Variants in BACH2 observed in about 807,000 individuals in gnomAD.
The protein encoded by BACH2 is transcription regulator protein BACH2.
BACH2 carries 5 observed loss-of-function variants against 61.8 expected under a neutral mutation model. The ratio of observed to expected loss-of-function variants is 0.08; its 90% confidence interval spans 0.04 to 0.17. The LOEUF is 0.17. Among genes scored for constraint, BACH2 ranks in the 10% least tolerant of loss-of-function variants. The probability of loss-of-function intolerance (pLI) is 1.00; values close to 1 mark genes in which losing one functional copy is unlikely to be tolerated. For synonymous variants in BACH2, 446 were observed against 440.1 expected (o/e 1.01, Z -0.17); for missense variants, 824 against 1,091.1 (o/e 0.76, Z 3.45).
At chr6:90,113,481 C>T (rs1783264079) in intron 4 of BACH2, among the ~76,000 whole-genome samples, 1 of 152,064 alleles carries the variant, frequency 6.6e-6, no homozygotes, top group African/African-American at 2.4e-5. Context: ...ACAACATGTT[C>T]CTGAATGACT....
intron 1 of BACH2, among the ~76,000 whole-genome samples, chr6:90,280,181 TC>T (rs1171936032): frequency 1.3e-5 from 2 of 152,190 alleles, no homozygotes; most frequent in Non-Finnish European, 2.9e-5. Context: ...TATTTAAATA[TC>T]CCTTTTGAGT....
At chr6:90,211,524 T>G (rs1054556308) in intron 3 of BACH2, among the ~76,000 whole-genome samples, 3 of 151,800 alleles carry the variant, frequency 2.0e-5, no homozygotes, top group African/African-American at 7.3e-5. Context: ...AGAGGTATGC[T>G]GAGAATAACA....
chr6:90,217,673 C>T (rs1421908372), intron 3 of BACH2, among the ~76,000 whole-genome samples: 1 of 152,084 alleles, frequency 6.6e-6, no homozygotes, highest in East Asian at 1.9e-4. Flanking sequence ...GAAAAAGTCC[C>T]TATCCAAACA....
chr6:90,215,213 G>A (rs1769492480), intron 3 of BACH2, among the ~76,000 whole-genome samples: 1 of 152,130 alleles, frequency 6.6e-6, no homozygotes, highest in Non-Finnish European at 1.5e-5. Context: ...TGCCAAAACA[G>A]TTGAAGTTAT....
At chr6:90,258,331 A>G (rs1771050079) in intron 2 of BACH2, among the ~76,000 whole-genome samples, 1 of 151,864 alleles carries the variant, frequency 6.6e-6, no homozygotes, top group African/African-American at 2.4e-5. Context: ...TTCTTTTCCC[A>G]TTGTGTCTTC....
At chr6:89,955,446 G>A (rs1774374517) in intron 6 of BACH2, among the ~76,000 whole-genome samples, 1 of 152,188 alleles carries the variant, frequency 6.6e-6, no homozygotes, top group Admixed American at 6.5e-5. Context: ...AGGCTGAGGG[G>A]ACTAGCAAGG....
At chr6:90,066,067 C>T (rs1780948786) in intron 5 of BACH2, among the ~76,000 whole-genome samples, 1 of 152,082 alleles carries the variant, frequency 6.6e-6, no homozygotes, top group Admixed American at 6.5e-5. Flanking sequence ...GTCTATGTAC[C>T]CCAGCAGACT....
chr6:90,098,877 C>G (rs566765065), intron 4 of BACH2, among the ~76,000 whole-genome samples: 6 of 152,252 alleles, frequency 3.9e-5, no homozygotes, highest in African/African-American at 1.4e-4. Flanking sequence ...GGCCTCTCCC[C>G]AATTCAGCTG....
At chr6:90,104,530 CAAGG>C (rs2127813427) in intron 4 of BACH2, 1 of 152,364 alleles carries the variant, frequency 6.6e-6, no homozygotes, top group Non-Finnish European at 1.5e-5. Flanking sequence ...TAGACCCAGG[CAAGG>C]AAGGACTCTG....
chr6:89,982,834 C>T (rs1247383858), intron 6 of BACH2, among the ~76,000 whole-genome samples: 3 of 152,140 alleles, frequency 2.0e-5, no homozygotes, highest in Non-Finnish European at 1.5e-5. Context: ...GGTTCTGAGC[C>T]CCTCATTCCA....
intron 3 of BACH2, among the ~76,000 whole-genome samples, chr6:90,234,124 T>G (rs919282143): frequency 6.6e-6 from 1 of 152,186 alleles, no homozygotes; most frequent in African/African-American, 2.4e-5. Context: ...GCTGTGCGGA[T>G]TGGGGAGCCG....
chr6:90,291,764 T>C (rs574464767), intron 1 of BACH2, among the ~76,000 whole-genome samples: 2 of 152,308 alleles, frequency 1.3e-5, no homozygotes, highest in South Asian at 2.1e-4. Context: ...AGGTCATATA[T>C]TGCTATTAAC....
chr6:90,139,701 G>A (rs1036918341), intron 4 of BACH2, among the ~76,000 whole-genome samples: 3 of 152,182 alleles, frequency 2.0e-5, no homozygotes, highest in African/African-American at 4.8e-5. Flanking sequence ...GTGTTCGGAT[G>A]TGTCCTTATC....
chr6:90,170,466 C>A (rs1767775341), intron 4 of BACH2, among the ~76,000 whole-genome samples: 1 of 152,184 alleles, frequency 6.6e-6, no homozygotes, highest in African/African-American at 2.4e-5. Context: ...TTGTCTCCAG[C>A]ACCTAAAATG....
At chr6:90,118,822 A>C (rs1313132174) in intron 4 of BACH2, among the ~76,000 whole-genome samples, 2 of 152,176 alleles carry the variant, frequency 1.3e-5, no homozygotes, top group African/African-American at 2.4e-5. Flanking sequence ...ACAGTCATTA[A>C]GGCGTGGGAG....
At chr6:90,171,878 T>C (rs1025409690) in intron 4 of BACH2, among the ~76,000 whole-genome samples, 1 of 152,188 alleles carries the variant, frequency 6.6e-6, no homozygotes, top group African/African-American at 2.4e-5. Flanking sequence ...AATATAATAA[T>C]TATATTTAGA....
At chr6:90,193,343 A>G (rs1167108483) in intron 4 of BACH2, among the ~76,000 whole-genome samples, 1 of 152,104 alleles carries the variant, frequency 6.6e-6, no homozygotes, top group African/African-American at 2.4e-5. Flanking sequence ...GTCCTTATAA[A>G]AAGGGAAAAT....
intron 5 of BACH2, among the ~76,000 whole-genome samples, chr6:90,052,843 A>G (rs1780119754): frequency 6.6e-6 from 1 of 152,244 alleles, no homozygotes; most frequent in African/African-American, 2.4e-5. Flanking sequence ...TTGGTATTAT[A>G]TTTTTTAAAA....
At chr6:90,214,578 G>A (rs534122595) in intron 3 of BACH2, among the ~76,000 whole-genome samples, 20 of 152,048 alleles carry the variant, frequency 1.3e-4, no homozygotes, top group Admixed American at 3.3e-4. Context: ...CTATAAGTAG[G>A]ATGTTACCTT....
Sources: allele counts gnomAD v4.1 joint callset (sites outside exome capture counted in the v4.1 genomes callset), GRCh38; gene constraint gnomAD v4.1.1; transcripts MANE v1.5; gene names NCBI Gene and HGNC (gene_info 2026-07-23, HGNC 2026-07-21).